The following BRINP1 variants were observed in gnomAD, a reference collection of about 807,000 sequenced individuals.
The protein encoded by BRINP1 is BMP/retinoic acid-inducible neural-specific protein 1.
BRINP1 carries 17 observed loss-of-function variants against 72.9 expected under a neutral mutation model. That is an observed-to-expected ratio of 0.23 (90% CI 0.16 to 0.35). The LOEUF (loss-of-function observed/expected upper bound fraction) is 0.35. Among genes scored for constraint, BRINP1 ranks in the 10% least tolerant of loss-of-function variants. The pLI is 1.00. For missense variants in BRINP1, 850 were observed against 1,001.6 expected, an observed-to-expected ratio of 0.85 and a Z score of 2.04; for synonymous variants, 418 against 378.5, an observed-to-expected ratio of 1.10 and a Z score of -1.21.
intron 2 of BRINP1, among the ~76,000 whole-genome samples, chr9:119,306,999 T>C (rs115730996): frequency 6.6e-6 from 1 of 152,280 alleles, no homozygotes; most frequent in African/African-American, 2.4e-5. Flanking sequence ...ACTCTTTTTT[T>C]TTCTTCTTCC....
At chr9:119,218,839 G>A (rs149101198) in intron 5 of BRINP1, among the ~76,000 whole-genome samples, 61 of 150,380 alleles carry the variant, frequency 4.1e-4, no homozygotes, top group Middle Eastern at 3.5e-3. Flanking sequence ...GCCACAACTC[G>A]GCTGCCATGG....
intron 7 of BRINP1, among the ~76,000 whole-genome samples, chr9:119,178,237 T>C (rs1829510987): frequency 1.3e-5 from 2 of 152,130 alleles, no homozygotes; most frequent in South Asian, 4.1e-4. Context: ...AACTATTGGA[T>C]GGGCCATTTA....
At position 119,166,808 on chromosome 9, in the gene BRINP1, C is replaced by G; in HGVS notation, c.*276G>C. 1 of 367,060 alleles carries G rather than the reference C, an allele frequency of 2.7e-6. No individual in the cohort carries two copies. The highest frequency in any genetic ancestry group is 3.7e-5 in the South Asian group (1 of 26,800). The allele number at this position is 367,060 out of a possible 1,614,324, so 22.7% of individuals were successfully genotyped here. A position where few individuals can be genotyped will look rare whatever the true frequency, so the allele number is the denominator to read the frequency against. ...ATGCTTTCTCCCTTCTCCCCCAATA[C>G]AGCACCTGAGGCCTAAGAAGCAACT... On this transcript the variant is annotated 3_prime_UTR_variant, in exon 8 of 8. Transcript: ENST00000265922.
rs765130158 is a variant in BRINP1, at chr9:119,214,170, C to A, written c.686-15G>T. 2 of 1,577,258 alleles carry A rather than the reference C, an allele frequency of 1.3e-6. No individual in the cohort carries two copies. The highest frequency in any genetic ancestry group is 1.7e-6 in the Non-Finnish European group (2 of 1,147,640). ...TATCTGAAGACCTGTGTGAGAATAG[C>A]AAGAAGGGAAAACAGAAAGGTTTAA... On this transcript the variant is annotated splice_polypyrimidine_tract_variant and intron_variant, in intron 5 of 7. Coordinates refer to ENST00000265922, the MANE Select transcript of BRINP1 (RefSeq NM_014618.3).
Position 119,318,844 on chromosome 9 carries a change from G to GGGGTGTGTGT in BRINP1, c.-50-5440_-50-5439insACACACACCC, listed in dbSNP as rs111313745. 2.3e-3 allele frequency among the ~76,000 whole-genome samples: 327 copies of GGGGTGTGTGT among 142,238 alleles called. 1 individual carries two copies. Among genetic ancestry groups the GGGGTGTGTGT allele is most frequent in the African/African-American group, 7.0e-3 (271 of 38,492 alleles). The allele number at this position is 142,238 out of a possible 152,430, so 93.3% of individuals were successfully genotyped here. On this transcript the variant is annotated intron_variant, in intron 1 of 7. Coordinates refer to ENST00000265922, the MANE Select transcript of BRINP1 (RefSeq NM_014618.3). ...TCATACATGGAAGAGAAATGTGTGG[G>GGGGTGTGTGT]GTGTGTGTGTGTGTGTGTGTGTGTG... is the stretch of plus-strand genomic sequence containing the variant.
intron 2 of BRINP1, among the ~76,000 whole-genome samples, chr9:119,290,236 C>T (rs7031035): frequency 0.041 from 6,192 of 152,250 alleles, 409 homozygotes; most frequent in African/African-American, 0.14. Context: ...TGCTCCCCAA[C>T]CCTAAGGCAA....
chr9:119,265,566 C>T (rs1018199566), intron 2 of BRINP1, among the ~76,000 whole-genome samples: 2 of 152,066 alleles, frequency 1.3e-5, no homozygotes, highest in Admixed American at 6.6e-5. Context: ...CATTGCACTC[C>T]AGCCTGGGTG....
chr9:119,347,241 G>A (rs1831461140), intron 1 of BRINP1, among the ~76,000 whole-genome samples: 1 of 152,130 alleles, frequency 6.6e-6, no homozygotes, highest in Non-Finnish European at 1.5e-5. Context: ...AAGCTATCCA[G>A]GTATTCCTGA....
At chr9:119,322,692 C>T (rs985609783) in intron 1 of BRINP1, among the ~76,000 whole-genome samples, 3 of 152,122 alleles carry the variant, frequency 2.0e-5, no homozygotes, top group Non-Finnish European at 4.4e-5. Context: ...GCCTCTTAAA[C>T]CTGAGTCAAC....
intron 6 of BRINP1, among the ~76,000 whole-genome samples, chr9:119,212,375 T>C (rs1264935782): frequency 2.0e-5 from 3 of 152,230 alleles, no homozygotes; most frequent in Admixed American, 2.0e-4. Context: ...GTCTAAAGAC[T>C]TGAATAAACT....
chr9:119,231,214 GA>G (rs1393157682), intron 5 of BRINP1, among the ~76,000 whole-genome samples: 2 of 151,972 alleles, frequency 1.3e-5, no homozygotes, highest in East Asian at 3.9e-4. Context: ...TAAAGATCAA[GA>G]AAATGTCTCC....
intron 7 of BRINP1, among the ~76,000 whole-genome samples, chr9:119,172,307 C>G (rs892763379): frequency 6.6e-5 from 10 of 152,010 alleles, no homozygotes; most frequent in African/African-American, 1.4e-4. Flanking sequence ...ATATCACCAC[C>G]AATCCCACAG....
At chr9:119,268,527 C>T (rs1018243205) in intron 2 of BRINP1, among the ~76,000 whole-genome samples, 3 of 152,118 alleles carry the variant, frequency 2.0e-5, no homozygotes, top group African/African-American at 7.2e-5. Context: ...ACCATGAAAG[C>T]TCAAGGCAAC....
intron 1 of BRINP1, among the ~76,000 whole-genome samples, chr9:119,362,356 T>C (rs548788875): frequency 8.5e-5 from 13 of 152,306 alleles, no homozygotes; most frequent in African/African-American, 2.9e-4. Flanking sequence ...TGAGACCTTA[T>C]AGTTCACTGT....
chr9:119,285,142 G>T (rs1057386329), intron 2 of BRINP1, among the ~76,000 whole-genome samples: 1 of 150,854 alleles, frequency 6.6e-6, no homozygotes, highest in African/African-American at 2.5e-5. Context: ...CTGGGCTCCT[G>T]CTGCAGTGTG....
chr9:119,177,653 C>A (rs544577384), intron 7 of BRINP1, among the ~76,000 whole-genome samples: 1 of 152,200 alleles, frequency 6.6e-6, no homozygotes, highest in Non-Finnish European at 1.5e-5. Flanking sequence ...CCACAGCCCC[C>A]ACTCCTTGAA....
rs1267808898 is a variant in BRINP1, at chr9:119,369,291, G to C, written c.-286C>G. 2.5e-6 allele frequency: 1 copy of C among 398,832 alleles called. No homozygotes were observed. The highest frequency in any genetic ancestry group is 3.6e-5 in the East Asian group (1 of 28,066). 24.7% of individuals were successfully genotyped at this position (398,832 alleles called of 1,614,324 possible). On this transcript the variant is annotated 5_prime_UTR_variant, in exon 1 of 8. Coordinates refer to ENST00000265922, the MANE Select transcript of BRINP1 (RefSeq NM_014618.3). Reference sequence around the variant, plus strand: ...CCGGAAGGCGGTCACTACTCCCTCTGCCTCCCGGCTCTCTCGCTCTCGCTC... The same window carrying C: ...CCGGAAGGCGGTCACTACTCCCTCTCCCTCCCGGCTCTCTCGCTCTCGCTC...
intron 2 of BRINP1, among the ~76,000 whole-genome samples, chr9:119,286,303 G>T (rs1380494961): frequency 2.0e-5 from 3 of 151,858 alleles, no homozygotes; most frequent in Non-Finnish European, 4.4e-5. Flanking sequence ...CGTGATCTCG[G>T]CTCACTGCAA....
chr9:119,262,645 C>CAAA (rs55738449), intron 2 of BRINP1, among the ~76,000 whole-genome samples: 10 of 62,976 alleles, frequency 1.6e-4, no homozygotes, highest in Non-Finnish European at 2.1e-4. Context: ...GACTCCAACT[C>CAAA]AAAAAAAAAA....
Sources: allele counts gnomAD v4.1 joint callset (sites outside exome capture counted in the v4.1 genomes callset), GRCh38; gene constraint gnomAD v4.1.1; transcripts MANE v1.5; gene names NCBI Gene and HGNC (gene_info 2026-07-23, HGNC 2026-07-21).